Variants in LBP observed in about 807,000 individuals in gnomAD.
LBP encodes lipopolysaccharide binding protein.
LBP carries 53 observed loss-of-function variants against 56.6 expected under a neutral mutation model. The ratio of observed to expected loss-of-function variants is 0.94; its 90% confidence interval spans 0.75 to 1.18. LBP has a LOEUF of 1.18. Among genes scored for constraint, LBP ranks in the 50% most tolerant of loss-of-function variants. The probability of loss-of-function intolerance (pLI) is 0.00; values close to 1 mark genes in which losing one functional copy is unlikely to be tolerated. For synonymous variants in LBP, 227 were observed against 247.5 expected (o/e 0.92, Z 0.78); for missense variants, 601 against 598.3 (o/e 1.00, Z -0.05).
intron 9 of LBP, among the ~76,000 whole-genome samples, 197 bp downstream of exon 9, chr20:38,367,025 T>C (rs1281879504): frequency 1.3e-5 from 2 of 152,224 alleles, no homozygotes; most frequent in Non-Finnish European, 2.9e-5. Context: ...GGACCACAGC[T>C]TGTCCAATCT....
intron 8 of LBP, among the ~76,000 whole-genome samples, chr20:38,365,224 G>C (rs1190992377): frequency 1.1e-5 from 1 of 94,878 alleles, no homozygotes; most frequent in Non-Finnish European, 1.9e-5. Context: ...AACAGAGTGA[G>C]ACCCTGTCTC....
At chr20:38,374,084 T>A (rs2076909832) in intron 14 of LBP, 71 bp downstream of exon 14, 4 of 1,480,128 alleles carry the variant, frequency 2.7e-6, no homozygotes, top group Non-Finnish European at 2.8e-6. Context: ...TTTGGGGCCA[T>A]GATTCATGGG....
At position 38,361,728 on chromosome 20, in the gene LBP, A is replaced by C. The variant is rs531195980; in HGVS notation, c.652+961A>C. Among the ~76,000 whole-genome samples the C allele has an allele frequency of 9.5e-4, 145 of 152,048 alleles. 1 individual carries two copies. The highest frequency in any genetic ancestry group is 3.4e-3 in the Middle Eastern group (1 of 294). On this transcript the variant is annotated intron_variant, in intron 6 of 14. Coordinates refer to ENST00000217407, the MANE Select transcript of LBP (RefSeq NM_004139.5). The stretch of plus-strand genomic sequence containing the variant: ...TTGATTTCATTTTTAAAAACTTTTT[A>C]TTGAAGTATATTTATAAAGAAAAGT...
In LBP at chr20:38,373,954, T is replaced by C; in HGVS notation, c.1342T>C (p.Phe448Leu). 6.2e-7 allele frequency: 1 copy of C among 1,614,190 alleles called. No homozygotes were observed. Among genetic ancestry groups the C allele is most frequent in the Non-Finnish European group, 8.5e-7 (1 of 1,180,010 alleles). The change falls in exon 14 of 15, where the codon TTC becomes CTC. Residue 448 changes from phenylalanine to leucine, a missense_variant. Coordinates refer to ENST00000217407, the MANE Select transcript of LBP (RefSeq NM_004139.5). The part of the protein sequence containing the change: ...PKFNDKLAEG[F>L]PLPLLKRVQL... ...ACCTCTAGATAAGTTGGCCGAAGGC[T>C]TCCCCCTTCCTCTGCTGAAGCGTGT...
Position 38,346,596 on chromosome 20 carries a change from AC to A in LBP, c.84del (p.Gly29AlafsTer20). ...LTSTPEALGA[N>X]PGLVARITDK... The stretch of plus-strand genomic sequence containing the variant: ...TCCACCCCAGAGGCTCTGGGTGCCA[AC>A]CCCGGCTTGGTCGCCAGGATCACCG... On this transcript the variant is annotated frameshift_variant, in exon 1 of 15. Transcript: ENST00000217407. LOFTEE classifies it high-confidence loss of function. 1 of 1,613,504 alleles carries A rather than the reference AC, an allele frequency of 6.2e-7. No individual in the cohort carries two copies. The highest frequency in any genetic ancestry group is 8.5e-7 in the Non-Finnish European group (1 of 1,179,956).
chr20:38,354,887 G>T (rs534301187), intron 4 of LBP, among the ~76,000 whole-genome samples: 8 of 152,158 alleles, frequency 5.3e-5, no homozygotes, highest in Admixed American at 3.3e-4. Context: ...TTCAAGACCA[G>T]CCTGGGCAAC....
At chr20:38,373,588 C>T (rs963709301) in intron 13 of LBP, among the ~76,000 whole-genome samples, 2 of 152,188 alleles carry the variant, frequency 1.3e-5, no homozygotes, top group African/African-American at 4.8e-5. Context: ...GAGAACAGGA[C>T]GGGCAAAGGG....
chr20:38,349,283 GC>G (rs2076812080), intron 1 of LBP, among the ~76,000 whole-genome samples: 1 of 152,196 alleles, frequency 6.6e-6, no homozygotes, highest in South Asian at 2.1e-4. Context: ...CAGCACTTTT[GC>G]CCTTGGGGAT....
intron 5 of LBP, among the ~76,000 whole-genome samples, chr20:38,358,472 T>C (rs186161511): frequency 7.8e-4 from 119 of 152,284 alleles, no homozygotes; most frequent in African/African-American, 2.8e-3. Context: ...GATGGGCTAC[T>C]GTCTGAAGGA....
chr20:38,367,174 C>T (rs1425077314), intron 9 of LBP, among the ~76,000 whole-genome samples: 1 of 152,130 alleles, frequency 6.6e-6, no homozygotes, highest in African/African-American at 2.4e-5. Context: ...TATTTTTTGG[C>T]CAGGCATGGT....
At chr20:38,371,457 G>A (rs1452679373) in intron 12 of LBP, 135 bp downstream of exon 12, 3 of 661,042 alleles carry the variant, frequency 4.5e-6, no homozygotes, top group Non-Finnish European at 7.9e-6. Flanking sequence ...AGTGTAAAAG[G>A]TCTCGAAAAC....
At chr20:38,367,899 G>A (rs2076887716) in intron 9 of LBP, among the ~76,000 whole-genome samples, 1 of 152,096 alleles carries the variant, frequency 6.6e-6, no homozygotes, top group Admixed American at 6.6e-5. Flanking sequence ...TTTTGAAATG[G>A]TGGAATCTAG....
intron 7 of LBP, 145 bp downstream of exon 7, chr20:38,364,211 TGG>T: frequency 1.5e-6 from 1 of 647,326 alleles, no homozygotes; most frequent in Non-Finnish European, 2.7e-6. Context: ...TATGGAGTGG[TGG>T]GGAGTGTTTC....
chr20:38,359,767 G>A (rs1051756015), intron 5 of LBP, among the ~76,000 whole-genome samples: 1 of 152,080 alleles, frequency 6.6e-6, no homozygotes, highest in Admixed American at 6.6e-5. Context: ...TAAATAATTC[G>A]GGTGATTACA....
intron 12 of LBP, among the ~76,000 whole-genome samples, chr20:38,372,314 G>C (rs2076903483): frequency 1.3e-5 from 2 of 152,200 alleles, no homozygotes; most frequent in Admixed American, 1.3e-4. Context: ...TTATGAAGTG[G>C]AAACAAACAC....
Position 38,360,789 on chromosome 20 carries a change from G to A in LBP, c.652+22G>A, listed in dbSNP as rs772450588. 2.2e-5 allele frequency: 34 copies of A among 1,567,338 alleles called. No homozygotes were observed. The East Asian group carries it at 2.7e-4, about 12-fold the overall frequency. The stretch of plus-strand genomic sequence containing the variant: ...CCAGGTAGGACACCCCATCCATCCC[G>A]GGACACTTTTATTTCTGTTAATTTC... On this transcript the variant is annotated intron_variant, in intron 6 of 14. Coordinates refer to ENST00000217407, the MANE Select transcript of LBP (RefSeq NM_004139.5).
intron 10 of LBP, 149 bp downstream of exon 10, chr20:38,369,311 G>A (rs1568835374): frequency 2.2e-5 from 17 of 779,280 alleles, no homozygotes; most frequent in Non-Finnish European, 3.0e-5. Flanking sequence ...TTTCTTGCTG[G>A]CCCTTACCCC....
intron 3 of LBP, among the ~76,000 whole-genome samples, chr20:38,352,543 T>C (rs2076824039): frequency 6.6e-6 from 1 of 152,156 alleles, no homozygotes; most frequent in African/African-American, 2.4e-5. Context: ...TCATTTGAGG[T>C]CAGGAGTTCA....
At chr20:38,367,715 A>G (rs2076887078) in intron 9 of LBP, among the ~76,000 whole-genome samples, 1 of 152,118 alleles carries the variant, frequency 6.6e-6, no homozygotes, top group Non-Finnish European at 1.5e-5. Context: ...GAAGCATTTT[A>G]CCCCCTCAGC....
Sources: gnomAD v4.1 joint callset for allele counts (sites outside exome capture counted in the v4.1 genomes callset) on GRCh38, gnomAD v4.1.1 for gene constraint, MANE v1.5 for transcripts, NCBI Gene and HGNC (gene_info 2026-07-23, HGNC 2026-07-21) for gene names.